SLC68A1: variants seen among roughly 807,000 people sequenced by gnomAD.
SLC68A1 encodes the protein major facilitator superfamily domain containing 13A.
chr10:102,468,880 A>C, the SLC68A1 span: 1 of 627,538 alleles, frequency 1.6e-6, no homozygotes, highest in African/African-American at 1.8e-5. Context: ...ATGAGTTTTT[A>C]AATGATTCAG....
At chr10:102,469,114 C>T in the SLC68A1 span, 2 of 1,614,056 alleles carry the variant, frequency 1.2e-6, no homozygotes, top group Admixed American at 1.7e-5. Flanking sequence ...CACCACCATC[C>T]TGCACAATGT....
At chr10:102,468,162 C>T in the SLC68A1 span, 3 of 152,216 alleles carry the variant, frequency 2.0e-5, no homozygotes, top group Non-Finnish European at 4.4e-5. Flanking sequence ...CACATTCTTC[C>T]GTTTCTGGCA....
the SLC68A1 span, chr10:102,476,001 ACC>A: frequency 1.4e-6 from 2 of 1,474,630 alleles, no homozygotes; most frequent in Non-Finnish European, 1.8e-6. Context: ...TGGCAAGGTC[ACC>A]CCACTGAGGA....
the SLC68A1 span, chr10:102,473,108 G>T: frequency 1.5e-5 from 10 of 666,532 alleles, no homozygotes; most frequent in Non-Finnish European, 2.7e-5. Flanking sequence ...TTACAGGTGT[G>T]AGCCACTGCG....
chr10:102,473,029 T>A, the SLC68A1 span: 1 of 1,177,102 alleles, frequency 8.5e-7, no homozygotes, highest in Non-Finnish European at 1.3e-6. Context: ...GGTTTCACCG[T>A]ATTAGCCAGG....
chr10:102,469,260 AGGCTGCTGG>A, the SLC68A1 span: 9 of 1,569,790 alleles, frequency 5.7e-6, no homozygotes, highest in African/African-American at 1.4e-5. Context: ...GAGGCTGCCC[AGGCTGCTGG>A]GCAGATTGCA....
At chr10:102,473,344 G>T in the SLC68A1 span, among the ~76,000 whole-genome samples, 2 of 152,144 alleles carry the variant, frequency 1.3e-5, no homozygotes, top group Non-Finnish European at 2.9e-5. Flanking sequence ...GGCAGCCTCA[G>T]GTGGGTTAGT....
chr10:102,469,316 C>G, the SLC68A1 span: 1 of 966,904 alleles, frequency 1.0e-6, no homozygotes, highest in African/African-American at 1.6e-5. Context: ...CCTGGGCAGT[C>G]CAGGTTGTTC....
At chr10:102,476,198 G>A in the SLC68A1 span, 21 of 849,918 alleles carry the variant, frequency 2.5e-5, no homozygotes, top group Middle Eastern at 1.1e-3. Context: ...CTCCCGAGTA[G>A]GTGGGATTAT....
chr10:102,469,541 T>TA, the SLC68A1 span, among the ~76,000 whole-genome samples: 1 of 113,578 alleles, frequency 8.8e-6, no homozygotes, highest in Non-Finnish European at 2.1e-5. Flanking sequence ...ACTGGCAGAG[T>TA]AGGTTTTTTT....
chr10:102,475,962 C>T, the SLC68A1 span: 6 of 1,610,236 alleles, frequency 3.7e-6, no homozygotes, highest in African/African-American at 1.3e-5. Context: ...CAGGCCCAAA[C>T]CCTGGATGTT....
chr10:102,467,282 C>T, the SLC68A1 span, among the ~76,000 whole-genome samples: 1 of 152,192 alleles, frequency 6.6e-6, no homozygotes, highest in Non-Finnish European at 1.5e-5. Flanking sequence ...GTGATCTGCC[C>T]ACCTTGGCCT....
chr10:102,470,035 G>A, the SLC68A1 span: 8 of 1,614,054 alleles, frequency 5.0e-6, no homozygotes, highest in South Asian at 3.3e-5. Context: ...CCCCCTCTTC[G>A]GTTGGCTCAG....
the SLC68A1 span, among the ~76,000 whole-genome samples, chr10:102,464,053 C>A: frequency 6.6e-6 from 1 of 152,098 alleles, no homozygotes; most frequent in Non-Finnish European, 1.5e-5. Context: ...TTGATGTTGC[C>A]CCAGCTGGTC....
At chr10:102,468,753 GCT>G in the SLC68A1 span, 22 of 336,760 alleles carry the variant, frequency 6.5e-5, no homozygotes, top group African/African-American at 4.1e-4. Context: ...CTTCCCACAG[GCT>G]CTCTGTTTCC....
chr10:102,476,464 C>T, the SLC68A1 span: 1 of 979,314 alleles, frequency 1.0e-6, no homozygotes, highest in East Asian at 1.1e-4. Context: ...CTTGGTCTCC[C>T]AAAGTGCTGG....
chr10:102,467,663 T>C, the SLC68A1 span, among the ~76,000 whole-genome samples: 13 of 152,136 alleles, frequency 8.5e-5, no homozygotes, highest in Admixed American at 7.9e-4. Flanking sequence ...GCTTCTTCTT[T>C]TTTTCTTTTT....
At chr10:102,466,497 A>AAAAAAAG in the SLC68A1 span, among the ~76,000 whole-genome samples, 1 of 152,022 alleles carries the variant, frequency 6.6e-6, no homozygotes, top group Non-Finnish European at 1.5e-5. Context: ...AAAAAAAAAA[A>AAAAAAAG]AAAAAAGATA....
At chr10:102,467,385 T>C in the SLC68A1 span, among the ~76,000 whole-genome samples, 6 of 152,190 alleles carry the variant, frequency 3.9e-5, no homozygotes, top group Admixed American at 6.5e-5. Flanking sequence ...GTCGAGGGAA[T>C]GTAGGGTAAT....
Sources: allele counts gnomAD v4.1 joint callset (sites outside exome capture counted in the v4.1 genomes callset), GRCh38; gene constraint gnomAD v4.1.1; transcripts MANE v1.5; gene names NCBI Gene and HGNC (gene_info 2026-07-23, HGNC 2026-07-21).